TEAD1: variants seen among roughly 807,000 people sequenced by gnomAD.
TEAD1 encodes transcriptional enhancer factor TEF-1.
A neutral mutation model predicts 54.9 loss-of-function variants in TEAD1; 9 were observed. The observed-to-expected ratio is 0.16, with a 90% CI of 0.10 to 0.29. The LOEUF (loss-of-function observed/expected upper bound fraction) is 0.29, where lower values mean the gene tolerates loss of function less well. Among genes scored for constraint, TEAD1 ranks in the 10% least tolerant of loss-of-function variants. The pLI is 1.00. For synonymous variants in TEAD1, 200 were observed against 187.8 expected (o/e 1.07, Z -0.53); for missense variants, 387 against 535.9 (o/e 0.72, Z 2.74).
intron 3 of TEAD1, among the ~76,000 whole-genome samples, chr11:12,793,213 G>T (rs963874461): frequency 1.3e-5 from 2 of 151,856 alleles, no homozygotes; most frequent in Non-Finnish European, 2.9e-5. Context: ...AGTAACTACA[G>T]TGAATGTCCT....
intron 3 of TEAD1, among the ~76,000 whole-genome samples, chr11:12,799,135 ATTTG>A (rs1945999110): frequency 6.6e-6 from 1 of 152,184 alleles, no homozygotes; most frequent in African/African-American, 2.4e-5. Context: ...GTTTATCATC[ATTTG>A]TTTGTTTATT....
chr11:12,808,248 C>A (rs1242031555), intron 3 of TEAD1, among the ~76,000 whole-genome samples: 2 of 145,806 alleles, frequency 1.4e-5, no homozygotes, highest in Non-Finnish European at 3.1e-5. Flanking sequence ...AATTATAGGT[C>A]ATAGTAGGCT....
intron 3 of TEAD1, among the ~76,000 whole-genome samples, chr11:12,848,120 G>A (rs935592984): frequency 1.3e-5 from 2 of 152,024 alleles, no homozygotes; most frequent in Non-Finnish European, 2.9e-5. Context: ...CCATCTAATC[G>A]TTCCGTCTTT....
In TEAD1 at chr11:12,941,706, A is replaced by G. The variant is rs988540519; in HGVS notation, c.*4484A>G. Reference sequence around the variant, plus strand: ...GTGTTTCTGTGGCAAAGCCCTGCACATGGCATTTCTGAAAAGCCTTAAATC... The same window carrying G: ...GTGTTTCTGTGGCAAAGCCCTGCACGTGGCATTTCTGAAAAGCCTTAAATC... On this transcript the variant is annotated 3_prime_UTR_variant, in exon 13 of 13. Transcript: ENST00000527636. 1 of 152,658 alleles carries G rather than the reference A, an allele frequency of 6.6e-6. No individual in the cohort carries two copies. Among genetic ancestry groups the G allele is most frequent in the East Asian group, 1.9e-4 (1 of 5,204 alleles). 9.5% of individuals were successfully genotyped at this position (152,658 alleles called of 1,614,324 possible). A position where few individuals can be genotyped will look rare whatever the true frequency, so the allele number is the denominator to read the frequency against.
chr11:12,883,218 G>T, intron 9 of TEAD1, 93 bp downstream of exon 9: 1 of 1,580,686 alleles, frequency 6.3e-7, no homozygotes, highest in Admixed American at 1.7e-5. Context: ...CCTTTACCCC[G>T]CCCCATGCCT....
chr11:12,693,556 T>A (rs1943509976), intron 2 of TEAD1, among the ~76,000 whole-genome samples: 1 of 152,240 alleles, frequency 6.6e-6, no homozygotes, highest in Admixed American at 6.5e-5. Flanking sequence ...TATCCACTTT[T>A]GGGAAGTTGA....
intron 3 of TEAD1, among the ~76,000 whole-genome samples, chr11:12,852,312 G>C (rs1284394463): frequency 7.9e-5 from 12 of 152,042 alleles, no homozygotes; most frequent in Non-Finnish European, 2.9e-5. Context: ...ACTAGATGTG[G>C]AGGTGAAAGA....
At chr11:12,684,626 T>C (rs1283371972) in intron 2 of TEAD1, among the ~76,000 whole-genome samples, 1 of 152,150 alleles carries the variant, frequency 6.6e-6, no homozygotes, top group Non-Finnish European at 1.5e-5. Flanking sequence ...AGTTTCCCCA[T>C]CTGGAAAATG....
At chr11:12,847,626 C>T (rs1425967107) in intron 3 of TEAD1, among the ~76,000 whole-genome samples, 1 of 152,106 alleles carries the variant, frequency 6.6e-6, no homozygotes, top group African/African-American at 2.4e-5. Context: ...GCCCATGTAA[C>T]GTTTTAATTT....
intron 3 of TEAD1, among the ~76,000 whole-genome samples, chr11:12,842,446 A>C (rs1947060545): frequency 6.6e-6 from 1 of 152,150 alleles, no homozygotes; most frequent in Non-Finnish European, 1.5e-5. Flanking sequence ...TGCCACGGAA[A>C]CCACACTGCT....
intron 2 of TEAD1, among the ~76,000 whole-genome samples, chr11:12,693,122 C>T (rs1391348412): frequency 6.6e-6 from 1 of 152,176 alleles, no homozygotes; most frequent in African/African-American, 2.4e-5. Context: ...TGAATAAATC[C>T]ACAGGGAACA....
chr11:12,821,503 G>C (rs1188833403), intron 3 of TEAD1, among the ~76,000 whole-genome samples: 1 of 152,128 alleles, frequency 6.6e-6, no homozygotes, highest in Non-Finnish European at 1.5e-5. Context: ...CTTTGTCAGC[G>C]CTTAGTTTCT....
intron 8 of TEAD1, among the ~76,000 whole-genome samples, chr11:12,882,700 C>T (rs1259669372): frequency 1.3e-5 from 2 of 152,212 alleles, no homozygotes; most frequent in African/African-American, 2.4e-5. Flanking sequence ...ACTGTCCTGT[C>T]ATTCTTGGCT....
At chr11:12,880,430 G>A (rs987115668) in intron 6 of TEAD1, among the ~76,000 whole-genome samples, 5 of 152,174 alleles carry the variant, frequency 3.3e-5, no homozygotes, top group African/African-American at 1.2e-4. Context: ...ATAGTGGAAT[G>A]GATAGTGATG....
At chr11:12,735,066 A>G (rs1326686669) in intron 2 of TEAD1, among the ~76,000 whole-genome samples, 1 of 152,210 alleles carries the variant, frequency 6.6e-6, no homozygotes, top group East Asian at 1.9e-4. Flanking sequence ...GGATGTGGGG[A>G]AAATGTGACT....
intron 2 of TEAD1, among the ~76,000 whole-genome samples, chr11:12,748,621 A>C (rs548874821): frequency 4.6e-5 from 7 of 152,244 alleles, no homozygotes; most frequent in African/African-American, 1.7e-4. Context: ...CGCTAAAAAT[A>C]TGTCTCCTGG....
At chr11:12,872,006 C>T (rs893024743) in intron 5 of TEAD1, among the ~76,000 whole-genome samples, 2 of 152,182 alleles carry the variant, frequency 1.3e-5, no homozygotes, top group Admixed American at 6.5e-5. Flanking sequence ...GGGCCATTTT[C>T]TTGTTCTCGC....
At chr11:12,793,999 A>C in intron 3 of TEAD1, among the ~76,000 whole-genome samples, 1 of 152,260 alleles carries the variant, frequency 6.6e-6, no homozygotes, top group East Asian at 1.9e-4. Context: ...TCATTCTTAC[A>C]GCTCTGGAGT....
At chr11:12,822,274 A>G (rs945567312) in intron 3 of TEAD1, among the ~76,000 whole-genome samples, 3 of 152,166 alleles carry the variant, frequency 2.0e-5, no homozygotes, top group African/African-American at 4.8e-5. Context: ...GCAACTGTAG[A>G]GAAACTAGAG....
Sources: gnomAD v4.1 joint callset for allele counts (sites outside exome capture counted in the v4.1 genomes callset) on GRCh38, gnomAD v4.1.1 for gene constraint, MANE v1.5 for transcripts, NCBI Gene and HGNC (gene_info 2026-07-23, HGNC 2026-07-21) for gene names.